Variants in EPHA3 observed in about 807,000 individuals in gnomAD.
The protein encoded by EPHA3 is ephrin type-A receptor 3.
A neutral mutation model predicts 107.1 loss-of-function variants in EPHA3; 42 were observed. The ratio of observed to expected loss-of-function variants is 0.39; its 90% CI spans 0.31 to 0.51. The LOEUF is 0.51. Ranked by LOEUF, EPHA3 falls within the 20% of genes least tolerant of loss-of-function variation. EPHA3 has a pLI of 0.78. For synonymous variants in EPHA3, 461 were observed against 424.8 expected (o/e 1.09, Z -1.05); for missense variants, 1,183 against 1,211.2 (o/e 0.98, Z 0.35).
At chr3:89,214,668 A>AT (rs1559604252) in intron 3 of EPHA3, among the ~76,000 whole-genome samples, 1 of 151,710 alleles carries the variant, frequency 6.6e-6, no homozygotes, top group African/African-American at 2.4e-5. Context: ...CCATTATCTT[A>AT]TTGTTAAGTG....
At position 89,431,187 on chromosome 3, in the gene EPHA3, G is replaced by C. The variant is rs749469241; in HGVS notation, c.2174G>C (p.Gly725Ala). 6.2e-7 allele frequency: 1 copy of C among 1,613,660 alleles called. No homozygotes were observed. Among genetic ancestry groups the C allele is most frequent in the Admixed American group, 1.7e-5 (1 of 59,928 alleles). ...DAQFTVIQLV[G>A]MLRGIASGMK... ...CAGTTTACTGTCATTCAGCTAGTGGGGATGCTTCGAGGGATAGCATCTGGC... is the reference window on the plus strand; with the variant it reads ...CAGTTTACTGTCATTCAGCTAGTGGCGATGCTTCGAGGGATAGCATCTGGC... The change falls in exon 13 of 17, where the codon GGG (glycine) becomes GCG (alanine). Residue 725 changes from glycine (G) to alanine (A), a missense_variant. Coordinates refer to ENST00000336596, the MANE Select transcript of EPHA3 (RefSeq NM_005233.6).
intron 13 of EPHA3, among the ~76,000 whole-genome samples, chr3:89,442,572 A>G (rs1487292338): frequency 2.0e-5 from 3 of 152,178 alleles, no homozygotes; most frequent in Non-Finnish European, 2.9e-5. Context: ...AACGCACAGG[A>G]CAGCCGTCAC....
chr3:89,387,085 G>A (rs962262419), intron 5 of EPHA3, among the ~76,000 whole-genome samples: 5 of 152,146 alleles, frequency 3.3e-5, no homozygotes, highest in African/African-American at 1.2e-4. Context: ...TTGGGTTAAT[G>A]CTGGAATGAG....
chr3:89,435,205 C>A (rs2107540943), intron 13 of EPHA3, among the ~76,000 whole-genome samples: 1 of 151,926 alleles, frequency 6.6e-6, no homozygotes, highest in African/African-American at 2.4e-5. Flanking sequence ...TTGGGAATTT[C>A]TCTTTTGGAA....
intron 3 of EPHA3, among the ~76,000 whole-genome samples, chr3:89,256,120 G>A (rs1406039214): frequency 2.0e-5 from 3 of 151,018 alleles, no homozygotes; most frequent in African/African-American, 7.3e-5. Flanking sequence ...GCACAGTGGA[G>A]CGTACCTGTA....
chr3:89,298,043 A>G (rs988289422), intron 3 of EPHA3, among the ~76,000 whole-genome samples: 7 of 151,830 alleles, frequency 4.6e-5, no homozygotes, highest in Non-Finnish European at 7.4e-5. Flanking sequence ...TCAAAAAACA[A>G]AACAAACAAA....
chr3:89,199,771 T>C (rs1360941576), intron 2 of EPHA3, among the ~76,000 whole-genome samples: 7 of 152,218 alleles, frequency 4.6e-5, no homozygotes, highest in African/African-American at 1.7e-4. Flanking sequence ...ATTGGTCTTA[T>C]AGTTACTCAG....
intron 2 of EPHA3, among the ~76,000 whole-genome samples, chr3:89,205,026 G>A (rs940630500): frequency 1.3e-5 from 2 of 152,122 alleles, no homozygotes; most frequent in African/African-American, 4.8e-5. Flanking sequence ...CAATATTGCT[G>A]ATGCATTTCC....
intron 5 of EPHA3, among the ~76,000 whole-genome samples, chr3:89,370,952 A>G (rs1363484349): frequency 6.6e-6 from 1 of 150,570 alleles, no homozygotes; most frequent in Non-Finnish European, 1.5e-5. Flanking sequence ...CACCTAGACA[A>G]AACATCTACA....
intron 1 of EPHA3, 68 bp from the exon 2 acceptor site, chr3:89,127,141 A>G: frequency 8.3e-7 from 1 of 1,208,468 alleles, no homozygotes; most frequent in Non-Finnish European, 1.2e-6. Context: ...GACAATGTGA[A>G]CTCAACAGAA....
At chr3:89,417,307 A>G (rs1366472784) in intron 10 of EPHA3, among the ~76,000 whole-genome samples, 2 of 151,508 alleles carry the variant, frequency 1.3e-5, no homozygotes, top group African/African-American at 4.8e-5. Context: ...TGCAGGATCC[A>G]TGCTCTTAAC....
At chr3:89,325,077 T>C (rs1707135778) in intron 3 of EPHA3, among the ~76,000 whole-genome samples, 1 of 152,188 alleles carries the variant, frequency 6.6e-6, no homozygotes, top group African/African-American at 2.4e-5. Flanking sequence ...GTATATGTAC[T>C]ATATTTTATT....
chr3:89,285,964 T>A (rs1706072754), intron 3 of EPHA3, among the ~76,000 whole-genome samples: 1 of 152,060 alleles, frequency 6.6e-6, no homozygotes, highest in African/African-American at 2.4e-5. Context: ...TCATGATAGA[T>A]GAGGTCTCTG....
At chr3:89,375,873 G>A (rs1301189305) in intron 5 of EPHA3, among the ~76,000 whole-genome samples, 1 of 151,814 alleles carries the variant, frequency 6.6e-6, no homozygotes, top group Non-Finnish European at 1.5e-5. Context: ...TGCATTTGAG[G>A]GAACATAGGT....
At chr3:89,154,654 A>G (rs796834870) in intron 2 of EPHA3, among the ~76,000 whole-genome samples, 33 of 151,700 alleles carry the variant, frequency 2.2e-4, no homozygotes, top group African/African-American at 7.7e-4. Context: ...TTTTGTAAAC[A>G]ACTCACTCTA....
chr3:89,479,363 A>C, intron 16 of EPHA3, 34 bp from the exon 17 acceptor site: 1 of 1,567,158 alleles, frequency 6.4e-7, no homozygotes, highest in Non-Finnish European at 8.8e-7. Flanking sequence ...ACTATCGAGG[A>C]AACCGATTCT....
At chr3:89,476,576 T>C (rs1451620323) in intron 16 of EPHA3, among the ~76,000 whole-genome samples, 2 of 147,274 alleles carry the variant, frequency 1.4e-5, no homozygotes, top group African/African-American at 2.5e-5. Flanking sequence ...TTTCCATGAC[T>C]ATTATTATTT....
At chr3:89,301,948 T>C (rs767166179) in intron 3 of EPHA3, among the ~76,000 whole-genome samples, 4 of 152,072 alleles carry the variant, frequency 2.6e-5, no homozygotes, top group East Asian at 3.9e-4. Context: ...AAACTTTGAG[T>C]GTACTCAAGT....
chr3:89,302,028 C>A (rs549304070), intron 3 of EPHA3, among the ~76,000 whole-genome samples: 1 of 151,964 alleles, frequency 6.6e-6, no homozygotes, highest in Non-Finnish European at 1.5e-5. Flanking sequence ...CTTCATACCA[C>A]GGAAGGAATC....
Sources: gnomAD v4.1 joint callset for allele counts (sites outside exome capture counted in the v4.1 genomes callset) on GRCh38, gnomAD v4.1.1 for gene constraint, MANE v1.5 for transcripts, NCBI Gene and HGNC (gene_info 2026-07-23, HGNC 2026-07-21) for gene names.